Variants in FBN1 observed in about 807,000 individuals in gnomAD.
FBN1 encodes the protein fibrillin 1.
Under a neutral mutation model 365.1 loss-of-function variants are expected in FBN1, and 29 were observed. The ratio of observed to expected loss-of-function variants is 0.08; its 90% CI spans 0.06 to 0.11. The LOEUF (loss-of-function observed/expected upper bound fraction) is 0.11. FBN1 is among the 10% of genes least tolerant of loss of function. The probability of loss-of-function intolerance (pLI) is 1.00; values close to 1 mark genes in which losing one functional copy is unlikely to be tolerated. For synonymous variants in FBN1, 1,210 were observed against 1,270.5 expected, an observed-to-expected ratio of 0.95 and a Z score of 1.01; for missense variants, 2,476 against 3,703.2, an observed-to-expected ratio of 0.67 and a Z score of 8.60.
rs958291215 is a variant in FBN1 at position 48,442,362 on chromosome 15, A to G, written c.6038-516T>C. ...CTAAAACTGTGAATTTTACAAGAAC[A>G]CTAAGACTCATGAAAATAAGTATAA... On this transcript the variant is annotated intron_variant, in intron 49 of 65. Transcript: ENST00000316623. Among the ~76,000 whole-genome samples the G allele has an allele frequency of 2.0e-5, 3 of 152,210 alleles. No individual in the cohort carries two copies. In the East Asian group the frequency reaches 5.8e-4, roughly 29 times the overall value.
At chr15:48,499,725 T>C (rs1399915784) in intron 17 of FBN1, among the ~76,000 whole-genome samples, 1 of 152,172 alleles carries the variant, frequency 6.6e-6, no homozygotes, top group Admixed American at 6.5e-5. Flanking sequence ...CCATGTTTTA[T>C]ATACAATTCC....
intron 13 of FBN1, among the ~76,000 whole-genome samples, chr15:48,510,607 C>G (rs2043751356): frequency 6.6e-6 from 1 of 152,090 alleles, no homozygotes; most frequent in Admixed American, 6.5e-5. Context: ...TTAATTCTGC[C>G]TGAAAACCGT....
At chr15:48,526,097 C>A (rs753244085) in intron 9 of FBN1, 33 bp downstream of exon 9, 2 of 1,613,850 alleles carry the variant, frequency 1.2e-6, no homozygotes, top group Non-Finnish European at 8.5e-7. Context: ...CTGACTTACA[C>A]AAACCATGCA....
rs560107985 is a variant in FBN1 at position 48,459,802 on chromosome 15, TGAGGA to T, written c.5296+439_5296+443del. Among the ~76,000 whole-genome samples, 643 of 152,340 alleles carry T rather than the reference TGAGGA, an allele frequency of 4.2e-3. 5 individuals are homozygous for T. The highest frequency in any genetic ancestry group is 6.8e-3 in the Middle Eastern group (2 of 294). On this transcript the variant is annotated intron_variant, in intron 43 of 65. Coordinates refer to ENST00000316623, the MANE Select transcript of FBN1 (RefSeq NM_000138.5). ...TCTGAAATTCCCAAAGCAGATGACCTGAGGAGATTCCATGTAAGATAAAATTGATC... is the reference window on the plus strand; with the variant it reads ...TCTGAAATTCCCAAAGCAGATGACCTGATTCCATGTAAGATAAAATTGATC...
At chr15:48,489,277 G>A (rs2043535872) in intron 25 of FBN1, among the ~76,000 whole-genome samples, 1 of 141,366 alleles carries the variant, frequency 7.1e-6, no homozygotes, top group African/African-American at 2.7e-5. Context: ...TTGAACTCCT[G>A]GACTCAAGTA....
At chr15:48,610,373 C>T (rs1597631372) in intron 4 of FBN1, among the ~76,000 whole-genome samples, 1 of 152,102 alleles carries the variant, frequency 6.6e-6, no homozygotes, top group East Asian at 1.9e-4. Context: ...AGGAAGCATG[C>T]CTAGATTTCT....
chr15:48,612,903 T>C, intron 3 of FBN1, 107 bp downstream of exon 3: 1 of 851,582 alleles, frequency 1.2e-6, no homozygotes, highest in Non-Finnish European at 2.1e-6. Context: ...GGCTGTACTA[T>C]CAACAGATTA....
intron 60 of FBN1, among the ~76,000 whole-genome samples, chr15:48,423,903 T>C (rs1331204718): frequency 1.3e-5 from 2 of 152,236 alleles, no homozygotes; most frequent in South Asian, 2.1e-4. Flanking sequence ...CCTAAAGCCA[T>C]AAAGAGAACT....
chr15:48,433,746 T>C (rs903693686), intron 54 of FBN1, among the ~76,000 whole-genome samples: 6 of 152,226 alleles, frequency 3.9e-5, no homozygotes, highest in South Asian at 2.1e-4. Context: ...GCCCAGATCA[T>C]GACTTAGTCA....
intron 3 of FBN1, 94 bp downstream of exon 3, chr15:48,612,916 A>T (rs1312908339): frequency 2.2e-6 from 2 of 895,654 alleles, no homozygotes; most frequent in African/African-American, 3.3e-5. Flanking sequence ...ACAGATTAAT[A>T]GTACAGTTAC....
chr15:48,433,363 C>T (rs561874721), intron 54 of FBN1, among the ~76,000 whole-genome samples: 3 of 152,122 alleles, frequency 2.0e-5, no homozygotes, highest in Non-Finnish European at 2.9e-5. Context: ...AGTTACATGG[C>T]GTGGGAATCA....
At chr15:48,619,889 C>A (rs1229677547) in intron 2 of FBN1, among the ~76,000 whole-genome samples, 3 of 148,942 alleles carry the variant, frequency 2.0e-5, no homozygotes, top group East Asian at 2.0e-4. Flanking sequence ...AAAAAAAAAA[C>A]AGGAGAAGAA....
intron 6 of FBN1, among the ~76,000 whole-genome samples, chr15:48,582,108 C>T (rs928803144): frequency 3.2e-4 from 48 of 152,184 alleles, no homozygotes; most frequent in African/African-American, 1.1e-3. Flanking sequence ...TTTAAAAAGT[C>T]GAGGGAAAAA....
At chr15:48,537,248 G>GA (rs1158056110) in intron 7 of FBN1, among the ~76,000 whole-genome samples, 1 of 151,886 alleles carries the variant, frequency 6.6e-6, no homozygotes, top group Non-Finnish European at 1.5e-5. Context: ...TTCAAATGAA[G>GA]AAAAAAAATT....
chr15:48,427,489 C>T lies in FBN1; in HGVS notation c.7204+78G>A, dbSNP rs374940430. Reference sequence around the variant, plus strand: ...CAACCTAGGCACATATTGCAAACTCCATATTTTCATCTGTGTTTCACACAA... The same window carrying T: ...CAACCTAGGCACATATTGCAAACTCTATATTTTCATCTGTGTTTCACACAA... On this transcript the variant is annotated intron_variant, in intron 58 of 65. Transcript: ENST00000316623. 10 of 1,459,116 alleles carry T rather than the reference C, an allele frequency of 6.9e-6. No individual in the cohort carries two copies. The East Asian group carries it at 9.1e-5, about 13-fold the overall frequency. 90.4% of individuals were successfully genotyped at this position (1,459,116 alleles called of 1,614,324 possible).
intron 8 of FBN1, among the ~76,000 whole-genome samples, chr15:48,528,561 T>C (rs1373334052): frequency 2.6e-5 from 4 of 152,264 alleles, no homozygotes; most frequent in African/African-American, 9.6e-5. Flanking sequence ...AAGAGGCCCA[T>C]CATTTATAAA....
At position 48,499,150 on chromosome 15, in the gene FBN1, T is replaced by C. The variant is rs568874814; in HGVS notation, c.2114-112A>G. ...CAAAGTGAGTAGAACCAAACTTAAGTGGTAACGGAAAAGGAGGTATCTCCC... is the reference window on the plus strand; with the variant it reads ...CAAAGTGAGTAGAACCAAACTTAAGCGGTAACGGAAAAGGAGGTATCTCCC... On this transcript the variant is annotated intron_variant, in intron 17 of 65. Coordinates refer to ENST00000316623, the MANE Select transcript of FBN1 (RefSeq NM_000138.5). The C allele has an allele frequency of 4.7e-6, 5 of 1,072,970 alleles. 1 individual carries two copies. The South Asian group carries it at 5.1e-5, about 11-fold the overall frequency. 66.5% of individuals were successfully genotyped at this position (1,072,970 alleles called of 1,614,324 possible).
intron 13 of FBN1, among the ~76,000 whole-genome samples, chr15:48,510,849 A>G (rs1285014798): frequency 2.0e-5 from 3 of 152,348 alleles, no homozygotes; most frequent in Non-Finnish European, 1.5e-5. Context: ...TAACTGAAAC[A>G]ACCTGTATCT....
intron 32 of FBN1, among the ~76,000 whole-genome samples, chr15:48,478,609 C>T (rs763267207): frequency 6.6e-5 from 10 of 152,116 alleles, no homozygotes; most frequent in Non-Finnish European, 1.3e-4. Context: ...GCAGCAGAAG[C>T]CTTACATTGG....
Sources: gnomAD v4.1 joint callset for allele counts (sites outside exome capture counted in the v4.1 genomes callset) on GRCh38, gnomAD v4.1.1 for gene constraint, MANE v1.5 for transcripts, NCBI Gene and HGNC (gene_info 2026-07-23, HGNC 2026-07-21) for gene names.